DHTKD1: variants seen among roughly 807,000 people sequenced by gnomAD.
The protein encoded by DHTKD1 is dehydrogenase E1 and transketolase domain containing 1, also known as 2-oxoadipate dehydrogenase complex component E1.
DHTKD1 carries 78 observed loss-of-function variants against 101.8 expected under a neutral mutation model. That is an observed-to-expected ratio of 0.77 (90% CI 0.64 to 0.93). The LOEUF (loss-of-function observed/expected upper bound fraction) is 0.93. DHTKD1 is among the 40% of genes least tolerant of loss of function. The pLI, the probability that DHTKD1 is intolerant of heterozygous loss-of-function variation, is 0.00. For synonymous variants in DHTKD1, 462 were observed against 450.3 expected, an observed-to-expected ratio of 1.03 and a Z score of -0.33; for missense variants, 1,223 against 1,161.7, an observed-to-expected ratio of 1.05 and a Z score of -0.77.
In DHTKD1 at chr10:12,081,571, A is replaced by C. The variant is rs1277781561; in HGVS notation, c.254A>C (p.Asn85Thr). 1.2e-6 allele frequency: 2 copies of C among 1,614,198 alleles called. No individual in the cohort carries two copies. The highest frequency in any genetic ancestry group is 8.5e-7 in the Non-Finnish European group (1 of 1,180,048). The stretch of plus-strand genomic sequence containing the variant: ...TTCACCGGACAAGCCCTGCTGGAGA[A>C]TGTGCCTGAAATCCAAGCCCTGGTG... Reference protein sequence around the residue: ...PLFTGQALLENVPEIQALVQT... With the variant: ...PLFTGQALLETVPEIQALVQT... Residue 85 changes from asparagine to threonine, a missense_variant, in exon 2 of 17, where the codon AAT (asparagine) becomes ACT (threonine). Coordinates refer to ENST00000263035, the MANE Select transcript of DHTKD1 (RefSeq NM_018706.7).
At chr10:12,090,111 G>A (rs1832962929) in intron 5 of DHTKD1, among the ~76,000 whole-genome samples, 1 of 151,992 alleles carries the variant, frequency 6.6e-6, no homozygotes. Flanking sequence ...TTAGAGGTTT[G>A]GGCTGTGGTC....
intron 4 of DHTKD1, among the ~76,000 whole-genome samples, chr10:12,088,471 T>TA (rs796321437): frequency 0.012 from 1,782 of 143,858 alleles, 41 homozygotes; most frequent in African/African-American, 0.042. Flanking sequence ...GATCCTGTCT[T>TA]AAAAAAAAAA....
chr10:12,119,266 A>T (rs1463967214), intron 15 of DHTKD1, among the ~76,000 whole-genome samples: 1 of 151,332 alleles, frequency 6.6e-6, no homozygotes, highest in African/African-American at 2.4e-5. Context: ...AGATTGTGCC[A>T]CTGCACTCCA....
intron 2 of DHTKD1, among the ~76,000 whole-genome samples, chr10:12,082,068 A>C (rs1385937099): frequency 1.3e-5 from 2 of 151,996 alleles, no homozygotes; most frequent in Non-Finnish European, 2.9e-5. Flanking sequence ...TCAAGGCTGC[A>C]GTGAGCCTTG....
chr10:12,071,271 G>A (rs1832646381), intron 1 of DHTKD1, among the ~76,000 whole-genome samples: 1 of 152,124 alleles, frequency 6.6e-6, no homozygotes, highest in African/African-American at 2.4e-5. Flanking sequence ...ATGGCCACCA[G>A]GTTATGGGGA....
chr10:12,088,155 T>C (rs1368881297), intron 4 of DHTKD1, among the ~76,000 whole-genome samples: 5 of 149,826 alleles, frequency 3.3e-5, no homozygotes, highest in Non-Finnish European at 7.4e-5. Context: ...TGGTGATCAT[T>C]CATTTTAGGA....
In DHTKD1 at chr10:12,112,845, C is replaced by T. The variant is rs373209331; in HGVS notation, c.2155-55C>T. On this transcript the variant is annotated intron_variant, in intron 12 of 16. Transcript: ENST00000263035. ...CCCTTTGGCCAGCCCATTGTCACTA[C>T]GACTGAAATAGATGATCTGAACATT... The T allele has an allele frequency of 1.9e-4, 283 of 1,514,230 alleles. No individual in the cohort carries two copies. The South Asian group carries it at 2.9e-3, about 16-fold the overall frequency. 93.8% of individuals were successfully genotyped at this position (1,514,230 alleles called of 1,614,324 possible). A position where few individuals can be genotyped will look rare whatever the true frequency, so the allele number is the denominator to read the frequency against.
At position 12,118,931 on chromosome 10, in the gene DHTKD1, T is replaced by C; in HGVS notation, c.2572+13T>C. ...AAACATGTTAAAGGTAAGAGGTTGT[T>C]CTCATTTGGGTTTTGATGTTCAGAT... On this transcript the variant is annotated intron_variant, in intron 15 of 16. Coordinates refer to ENST00000263035, the MANE Select transcript of DHTKD1 (RefSeq NM_018706.7). 6.6e-7 allele frequency: 1 copy of C among 1,511,070 alleles called. No individual in the cohort carries two copies. The highest frequency in any genetic ancestry group is 1.3e-5 in the South Asian group (1 of 77,448). 93.6% of individuals were successfully genotyped at this position (1,511,070 alleles called of 1,614,324 possible). A position where few individuals can be genotyped will look rare whatever the true frequency, so the allele number is the denominator to read the frequency against.
intron 12 of DHTKD1, among the ~76,000 whole-genome samples, chr10:12,109,938 G>A (rs1326007696): frequency 6.6e-6 from 1 of 152,096 alleles, no homozygotes. Context: ...ACATATTAAG[G>A]ACTATCTAGA....
At chr10:12,119,636 G>A (rs190307623) in intron 15 of DHTKD1, among the ~76,000 whole-genome samples, 35,104 of 130,980 alleles carry the variant, frequency 0.27, 4,767 homozygotes, top group Non-Finnish European at 0.29. Context: ...AAAAAAAAAA[G>A]AAAGAAAATT....
At chr10:12,069,262 T>C in intron 1 of DHTKD1, 75 bp downstream of exon 1, 1 of 1,055,620 alleles carries the variant, frequency 9.5e-7, no homozygotes, top group Admixed American at 3.9e-5. Flanking sequence ...TGCGGTGGGG[T>C]GTCGGGGTCG....
Position 12,095,467 on chromosome 10 carries a change from C to A in DHTKD1, c.1358+1196C>A, listed in dbSNP as rs370130473. On this transcript the variant is annotated intron_variant, in intron 7 of 16. Transcript: ENST00000263035. ...CCAAGGTGGGTGGATCACTTGAGGT[C>A]AGGAGTTTGAGACCGGCCTGGCCAA... 4.0e-5 allele frequency among the ~76,000 whole-genome samples: 6 copies of A among 151,584 alleles called. 1 individual carries two copies. Among genetic ancestry groups the A allele is most frequent in the African/African-American group, 1.2e-4 (5 of 41,306 alleles).
rs1271846463 is a variant in DHTKD1, at chr10:12,087,927, CAAAGTGAGACTTTGTCTCTACCAA to C, written c.717+202_717+225del. Among the ~76,000 whole-genome samples, 2 of 151,890 alleles carry C rather than the reference CAAAGTGAGACTTTGTCTCTACCAA, an allele frequency of 1.3e-5. No individual in the cohort carries two copies. Among genetic ancestry groups the C allele is most frequent in the Non-Finnish European group, 2.9e-5 (2 of 67,992 alleles). On this transcript the variant is annotated intron_variant, in intron 4 of 16. Coordinates refer to ENST00000263035, the MANE Select transcript of DHTKD1 (RefSeq NM_018706.7). This position sits in a 1 kb window ranked among gnomAD's most constrained non-coding sequence, Gnocchi z 5.2. Reference sequence around the variant, plus strand: ...AGGAGTTTGAGACCACCCTGTGGAACAAAGTGAGACTTTGTCTCTACCAAAAATAAAATAAGTTAGCCAAGCATG... The same window carrying C: ...AGGAGTTTGAGACCACCCTGTGGAACAAATAAAATAAGTTAGCCAAGCATG...
chr10:12,115,100 GAA>G (rs1438043778), intron 13 of DHTKD1, among the ~76,000 whole-genome samples: 2 of 151,698 alleles, frequency 1.3e-5, no homozygotes, highest in Non-Finnish European at 2.9e-5. Flanking sequence ...CGGCCTGTTT[GAA>G]CAGTTTCTTG....
chr10:12,087,875 G>A lies in DHTKD1; in HGVS notation c.717+146G>A. On this transcript the variant is annotated intron_variant, in intron 4 of 16. Transcript: ENST00000263035. The surrounding 1 kb of genome is among the most constrained non-coding windows in gnomAD (Gnocchi z 5.2). ...ACCTGCAATCCCAGCCTGTTGGGAG[G>A]ATGAGGCAGGAGGATGGCTTGAATC... 1.5e-6 allele frequency: 1 copy of A among 665,380 alleles called. No individual in the cohort carries two copies. Among genetic ancestry groups the A allele is most frequent in the Non-Finnish European group, 2.4e-6 (1 of 420,856 alleles). 41.2% of individuals were successfully genotyped at this position (665,380 alleles called of 1,614,324 possible).
intron 5 of DHTKD1, among the ~76,000 whole-genome samples, chr10:12,090,859 A>G (rs1203113162): frequency 6.6e-6 from 1 of 152,132 alleles, no homozygotes; most frequent in Non-Finnish European, 1.5e-5. Flanking sequence ...CATAATTTAT[A>G]ATACTCTATT....
chr10:12,118,953 A>G (rs773350717), intron 15 of DHTKD1, 35 bp downstream of exon 15: 1 of 1,467,752 alleles, frequency 6.8e-7, no homozygotes, highest in Non-Finnish European at 9.1e-7. Flanking sequence ...TTTGATGTTC[A>G]GATACCCAAA....
chr10:12,100,503 T>A (rs1833153007), intron 9 of DHTKD1, among the ~76,000 whole-genome samples: 1 of 151,800 alleles, frequency 6.6e-6, no homozygotes, highest in Non-Finnish European at 1.5e-5. Flanking sequence ...GACCTCGTGT[T>A]CCACCCGCCT....
chr10:12,107,340 T>G lies in DHTKD1; in HGVS notation c.2048-569T>G, dbSNP rs780498329. Among the ~76,000 whole-genome samples the G allele has an allele frequency of 2.0e-5, 3 of 152,036 alleles. No individual in the cohort carries two copies. The highest frequency in any genetic ancestry group is 2.9e-5 in the Non-Finnish European group (2 of 67,958). On this transcript the variant is annotated intron_variant, in intron 11 of 16. Transcript: ENST00000263035. This position sits in a 1 kb window ranked among gnomAD's most constrained non-coding sequence, Gnocchi z 4.1. ...CCTGCGGTGGTATTGGAGCGGCATG[T>G]GCTGTCCAGGAAGCTGGGAACGTTC...
Sources: gnomAD v4.1 joint callset for allele counts (sites outside exome capture counted in the v4.1 genomes callset) on GRCh38, gnomAD v4.1.1 for gene constraint, Gnocchi (gnomAD v3.1) non-coding constraint, MANE v1.5 for transcripts, NCBI Gene and HGNC (gene_info 2026-07-23, HGNC 2026-07-21) for gene names.